BBS9: variants seen among roughly 807,000 people sequenced by gnomAD.
BBS9 encodes protein PTHB1.
Under a neutral mutation model 117.7 loss-of-function variants are expected in BBS9, and 89 were observed. The ratio of observed to expected loss-of-function variants is 0.76; its 90% CI spans 0.64 to 0.90. BBS9 has a LOEUF of 0.90. Ranked by LOEUF, BBS9 falls within the 40% of genes least tolerant of loss-of-function variation. BBS9 has a pLI of 0.00. For missense variants in BBS9, 982 were observed against 1,042.2 expected (o/e 0.94, Z 0.80); for synonymous variants, 379 against 370.9 (o/e 1.02, Z -0.25).
intron 17 of BBS9, among the ~76,000 whole-genome samples, chr7:33,383,267 T>G (rs530983313): frequency 6.6e-6 from 1 of 152,346 alleles, no homozygotes; most frequent in Admixed American, 6.5e-5. Context: ...GAATTTTATA[T>G]AGAATCAATT....
At chr7:33,390,915 A>G (rs1015854823) in intron 19 of BBS9, among the ~76,000 whole-genome samples, 1 of 152,126 alleles carries the variant, frequency 6.6e-6, no homozygotes, top group African/African-American at 2.4e-5. Context: ...TTTTTCTTCT[A>G]AAGTATGTAC....
intron 19 of BBS9, among the ~76,000 whole-genome samples, chr7:33,397,685 G>A (rs1187063112): frequency 1.3e-5 from 2 of 152,144 alleles, no homozygotes; most frequent in African/African-American, 4.8e-5. Context: ...GGTGGAGCTG[G>A]AAGCCATTAT....
intron 19 of BBS9, among the ~76,000 whole-genome samples, chr7:33,451,993 C>T (rs1033767834): frequency 3.3e-5 from 5 of 152,000 alleles, no homozygotes; most frequent in African/African-American, 7.2e-5. Flanking sequence ...AGCACCATGC[C>T]CAGCTAATTT....
At chr7:33,486,340 G>A (rs1843112627) in intron 19 of BBS9, among the ~76,000 whole-genome samples, 1 of 152,142 alleles carries the variant, frequency 6.6e-6, no homozygotes, top group Non-Finnish European at 1.5e-5. Flanking sequence ...TCCTCGGAGA[G>A]GAAGTACTGG....
intron 19 of BBS9, among the ~76,000 whole-genome samples, chr7:33,495,943 T>G (rs1330738046): frequency 6.6e-6 from 1 of 152,120 alleles, no homozygotes; most frequent in African/African-American, 2.4e-5. Context: ...AAATAATTTG[T>G]TTTTCTAAAA....
intron 21 of BBS9, among the ~76,000 whole-genome samples, chr7:33,563,698 T>G (rs1856436731): frequency 6.6e-6 from 1 of 152,212 alleles, no homozygotes; most frequent in Non-Finnish European, 1.5e-5. Context: ...AACTCAATCC[T>G]CTATTCCTGT....
chr7:33,581,959 T>C (rs1306252763), intron 21 of BBS9, among the ~76,000 whole-genome samples: 1 of 152,180 alleles, frequency 6.6e-6, no homozygotes, highest in Non-Finnish European at 1.5e-5. Context: ...TAGACAGTTT[T>C]ACTTCCAATT....
intron 9 of BBS9, among the ~76,000 whole-genome samples, chr7:33,302,657 C>A (rs1472743879): frequency 7.9e-5 from 12 of 152,064 alleles, no homozygotes; most frequent in Admixed American, 7.9e-4. Context: ...TATGCCAGTA[C>A]CATTGCTGTA....
At chr7:33,150,792 A>C (rs1187196302) in intron 2 of BBS9, among the ~76,000 whole-genome samples, 2 of 152,206 alleles carry the variant, frequency 1.3e-5, no homozygotes, top group Non-Finnish European at 2.9e-5. Context: ...ATGCAGCAAC[A>C]TCAAGTGCTG....
At chr7:33,363,022 A>G (rs1157875718) in intron 16 of BBS9, among the ~76,000 whole-genome samples, 1 of 152,100 alleles carries the variant, frequency 6.6e-6, no homozygotes, top group Non-Finnish European at 1.5e-5. Flanking sequence ...TTTGTCAGAT[A>G]TATCCCTATT....
chr7:33,289,725 C>A (rs1803619743), intron 9 of BBS9, among the ~76,000 whole-genome samples: 1 of 152,032 alleles, frequency 6.6e-6, no homozygotes, highest in Non-Finnish European at 1.5e-5. Flanking sequence ...TGGGTAGTTA[C>A]AATTCATATT....
chr7:33,313,441 T>C (rs1230000707), intron 9 of BBS9, among the ~76,000 whole-genome samples: 5 of 152,168 alleles, frequency 3.3e-5, no homozygotes, highest in African/African-American at 4.8e-5. Flanking sequence ...CATCATTTTC[T>C]TTTTTTCTGG....
At chr7:33,465,725 T>A (rs2128942265) in intron 19 of BBS9, among the ~76,000 whole-genome samples, 1 of 152,276 alleles carries the variant, frequency 6.6e-6, no homozygotes, top group Non-Finnish European at 1.5e-5. Context: ...ATTGTATGGA[T>A]TGAGTTAATA....
At chr7:33,196,440 A>G (rs1784956719) in intron 5 of BBS9, among the ~76,000 whole-genome samples, 1 of 152,200 alleles carries the variant, frequency 6.6e-6, no homozygotes, top group Non-Finnish European at 1.5e-5. Flanking sequence ...GCTGGGGTGA[A>G]TGAACAGCCA....
At chr7:33,595,556 G>T (rs1264745094) in intron 21 of BBS9, among the ~76,000 whole-genome samples, 2 of 152,136 alleles carry the variant, frequency 1.3e-5, no homozygotes, top group Non-Finnish European at 2.9e-5. Flanking sequence ...TGAGGCTGTG[G>T]AGAAATAGGA....
chr7:33,470,820 A>G (rs1219264180), intron 19 of BBS9, among the ~76,000 whole-genome samples: 1 of 152,152 alleles, frequency 6.6e-6, no homozygotes, highest in Non-Finnish European at 1.5e-5. Flanking sequence ...TGGGCAGCTA[A>G]ATGGACATCC....
At chr7:33,390,506 A>C in intron 19 of BBS9, 1 of 971,460 alleles carries the variant, frequency 1.0e-6, no homozygotes, top group Non-Finnish European at 1.2e-6. Flanking sequence ...TTGAAGGAAA[A>C]ATATGAGTAC....
intron 19 of BBS9, among the ~76,000 whole-genome samples, chr7:33,455,824 A>G (rs1167107705): frequency 6.6e-6 from 1 of 152,226 alleles, no homozygotes; most frequent in African/African-American, 2.4e-5. Flanking sequence ...TTTTTAACAG[A>G]GCTGTTAATG....
At chr7:33,175,100 T>A (rs1425495267) in intron 4 of BBS9, among the ~76,000 whole-genome samples, 1 of 152,132 alleles carries the variant, frequency 6.6e-6, no homozygotes, top group African/African-American at 2.4e-5. Flanking sequence ...GGTCAGGAGT[T>A]TGAGACCAGC....
Sources: gnomAD v4.1 joint callset for allele counts (sites outside exome capture counted in the v4.1 genomes callset) on GRCh38, gnomAD v4.1.1 for gene constraint, MANE v1.5 for transcripts, NCBI Gene and HGNC (gene_info 2026-07-23, HGNC 2026-07-21) for gene names.